OPCML: variants seen among roughly 807,000 people sequenced by gnomAD.
The protein encoded by OPCML is opioid binding protein/cell adhesion molecule like.
OPCML carries 13 observed loss-of-function variants against 37.8 expected under a neutral mutation model. That is an observed-to-expected ratio of 0.34 (90% CI 0.22 to 0.55). OPCML has a LOEUF of 0.55. OPCML is among the 20% of genes least tolerant of loss of function. OPCML has a pLI of 0.91. For missense variants in OPCML, 341 were observed against 435.6 expected, an observed-to-expected ratio of 0.78 and a Z score of 1.93; for synonymous variants, 176 against 168.8, an observed-to-expected ratio of 1.04 and a Z score of -0.33.
intron 4 of OPCML, among the ~76,000 whole-genome samples, chr11:132,496,324 G>A (rs1304446265): frequency 6.6e-6 from 1 of 152,210 alleles, no homozygotes; most frequent in Admixed American, 6.5e-5. Context: ...TTTATAGCAT[G>A]CTGGTAATAT....
intron 1 of OPCML, among the ~76,000 whole-genome samples, chr11:133,023,338 G>A (rs1440665800): frequency 3.3e-5 from 5 of 152,188 alleles, no homozygotes; most frequent in African/African-American, 1.2e-4. Flanking sequence ...TTGCCTGCGG[G>A]TTGTGTGATG....
intron 1 of OPCML, among the ~76,000 whole-genome samples, chr11:133,251,042 C>A (rs2078454): frequency 0.28 from 43,139 of 151,886 alleles, 7,313 homozygotes; most frequent in African/African-American, 0.48. Context: ...ATCAGAGAAG[C>A]CTTTTCCTTT....
At chr11:132,701,335 T>C (rs192766372) in intron 2 of OPCML, among the ~76,000 whole-genome samples, 10 of 152,288 alleles carry the variant, frequency 6.6e-5, no homozygotes, top group African/African-American at 1.7e-4. Context: ...CCTTGACACA[T>C]GGGACTTATT....
chr11:133,479,236 A>G (rs1947320781), intron 1 of OPCML, among the ~76,000 whole-genome samples: 2 of 152,128 alleles, frequency 1.3e-5, no homozygotes, highest in African/African-American at 4.8e-5. Flanking sequence ...CAGAAACTCA[A>G]ACTAAGGCCC....
chr11:132,447,283 A>G (rs2096057874), intron 4 of OPCML, among the ~76,000 whole-genome samples: 1 of 152,038 alleles, frequency 6.6e-6, no homozygotes, highest in South Asian at 2.1e-4. Flanking sequence ...GCCAGTTGAC[A>G]CCTGTCTTCC....
chr11:133,188,673 T>C (rs1938186830), intron 1 of OPCML, among the ~76,000 whole-genome samples: 2 of 152,124 alleles, frequency 1.3e-5, no homozygotes, highest in South Asian at 4.1e-4. Flanking sequence ...GGGGAAGAAA[T>C]ATAATAGTTG....
rs544482291 is a variant in OPCML at position 133,272,252 on chromosome 11, T to TAA, written c.61+260010_61+260011dup. 3.0e-3 allele frequency among the ~76,000 whole-genome samples: 377 copies of TAA among 124,458 alleles called. 3 individuals carry two copies. Among genetic ancestry groups the TAA allele is most frequent in the South Asian group, 0.017 (67 of 3,886 alleles). The allele number at this position is 124,458 out of a possible 152,430, so 81.6% of individuals were successfully genotyped here. ...TTAAGCAGTTGTAGGATATTTGGAC[T>TAA]AAAAAAAAAAAAAAAAAGAAAACTG... On this transcript the variant is annotated intron_variant, in intron 1 of 7. Transcript: ENST00000524381.
At chr11:133,461,640 G>A (rs1946861017) in intron 1 of OPCML, among the ~76,000 whole-genome samples, 1 of 151,702 alleles carries the variant, frequency 6.6e-6, no homozygotes, top group African/African-American at 2.4e-5. Flanking sequence ...AAAATTTTAA[G>A]AAAATAGAAA....
intron 1 of OPCML, among the ~76,000 whole-genome samples, chr11:133,223,883 T>C (rs1339998948): frequency 1.3e-5 from 2 of 152,324 alleles, no homozygotes; most frequent in East Asian, 3.9e-4. Flanking sequence ...CATTAGCATC[T>C]GAGTGTTAAG....
chr11:133,343,805 C>T (rs1943931727), intron 1 of OPCML, among the ~76,000 whole-genome samples: 2 of 152,204 alleles, frequency 1.3e-5, no homozygotes, highest in South Asian at 4.1e-4. Context: ...CCCTTCTCTT[C>T]TCCTGTACCA....
chr11:132,435,419 C>T (rs1002879722), intron 7 of OPCML, among the ~76,000 whole-genome samples: 1 of 152,230 alleles, frequency 6.6e-6, no homozygotes, highest in African/African-American at 2.4e-5. Context: ...TATGCACATA[C>T]AGTATCACAA....
At chr11:132,978,890 T>G (rs962796478) in intron 1 of OPCML, among the ~76,000 whole-genome samples, 20 of 152,244 alleles carry the variant, frequency 1.3e-4, no homozygotes, top group African/African-American at 4.8e-4. Context: ...TCAGTTACCC[T>G]CTCCACTTGA....
chr11:132,729,962 G>A (rs1945018738), intron 2 of OPCML, among the ~76,000 whole-genome samples: 1 of 149,752 alleles, frequency 6.7e-6, no homozygotes, highest in African/African-American at 2.5e-5. Flanking sequence ...TGAGTTCCTT[G>A]AGAAAAGGGT....
At chr11:133,097,654 C>T (rs1949024316) in intron 1 of OPCML, among the ~76,000 whole-genome samples, 1 of 151,904 alleles carries the variant, frequency 6.6e-6, no homozygotes, top group African/African-American at 2.4e-5. Flanking sequence ...AGAGAACAAC[C>T]AACTTACTAG....
chr11:132,998,749 G>A (rs1946935852), intron 1 of OPCML, among the ~76,000 whole-genome samples: 1 of 152,038 alleles, frequency 6.6e-6, no homozygotes. Context: ...TCTTATAAAA[G>A]GCCCAAATGA....
At chr11:132,718,344 C>T (rs1236987568) in intron 2 of OPCML, among the ~76,000 whole-genome samples, 1 of 152,058 alleles carries the variant, frequency 6.6e-6, no homozygotes, top group African/African-American at 2.4e-5. Flanking sequence ...AGAATGAGGG[C>T]TAAATTACAT....
chr11:132,868,413 C>T (rs1942658551), intron 2 of OPCML, among the ~76,000 whole-genome samples: 1 of 150,740 alleles, frequency 6.6e-6, no homozygotes, highest in African/African-American at 2.4e-5. Flanking sequence ...GTGATTGAAC[C>T]CTGAACAGTG....
chr11:133,523,591 A>G (rs2120717323), intron 1 of OPCML, among the ~76,000 whole-genome samples: 1 of 152,316 alleles, frequency 6.6e-6, no homozygotes, highest in East Asian at 1.9e-4. Flanking sequence ...AAAAAATGTA[A>G]ATCATGAATC....
At chr11:133,356,248 G>T (rs550387365) in intron 1 of OPCML, among the ~76,000 whole-genome samples, 19 of 152,226 alleles carry the variant, frequency 1.2e-4, no homozygotes, top group African/African-American at 4.1e-4. Context: ...AAGTGCCCAG[G>T]TTGGAACATA....
Sources: gnomAD v4.1 joint callset for allele counts (sites outside exome capture counted in the v4.1 genomes callset) on GRCh38, gnomAD v4.1.1 for gene constraint, MANE v1.5 for transcripts, NCBI Gene and HGNC (gene_info 2026-07-23, HGNC 2026-07-21) for gene names.